The following GSK3A variants were observed in gnomAD, a reference collection of about 807,000 sequenced individuals.
GSK3A encodes the protein glycogen synthase kinase-3 alpha.
Under a neutral mutation model 56.6 loss-of-function variants are expected in GSK3A, and 14 were observed. The ratio of observed to expected loss-of-function variants is 0.25; its 90% confidence interval spans 0.16 to 0.39. The LOEUF is 0.39. Among genes scored for constraint, GSK3A ranks in the 10% least tolerant of loss-of-function variants. The pLI is 1.00. For missense variants in GSK3A, 450 were observed against 656.0 expected, an observed-to-expected ratio of 0.69 and a Z score of 3.43; for synonymous variants, 301 against 285.0, an observed-to-expected ratio of 1.06 and a Z score of -0.56.
intron 2 of GSK3A, among the ~76,000 whole-genome samples, chr19:42,239,302 C>A (rs1392404244): frequency 1.3e-5 from 2 of 152,236 alleles, no homozygotes; most frequent in African/African-American, 4.8e-5. Flanking sequence ...AGGCCCTGGT[C>A]TGGTTCCTTT....
intron 2 of GSK3A, among the ~76,000 whole-genome samples, 195 bp from the exon 3 acceptor site, chr19:42,237,136 G>C (rs1426949771): frequency 6.6e-6 from 1 of 150,800 alleles, no homozygotes; most frequent in East Asian, 2.0e-4. Context: ...GTTAAACCCA[G>C]GCCACAGATG....
intron 6 of GSK3A, 31 bp from the exon 7 acceptor site, chr19:42,233,414 A>G (rs377726492): frequency 1.3e-4 from 179 of 1,413,638 alleles, no homozygotes; most frequent in Non-Finnish European, 1.7e-4. Context: ...CGTCAGGGCT[A>G]GGCGAGTAGG....
chr19:42,239,832 T>C (rs1215179033), intron 2 of GSK3A, 123 bp downstream of exon 2: 5 of 744,926 alleles, frequency 6.7e-6, no homozygotes, highest in African/African-American at 1.8e-5. Flanking sequence ...TCTCATTTCC[T>C]CTTTTCCCCC....
At chr19:42,236,392 G>A (rs758851519) in intron 4 of GSK3A, among the ~76,000 whole-genome samples, 21 of 152,128 alleles carry the variant, frequency 1.4e-4, no homozygotes, top group Non-Finnish European at 2.9e-4. Context: ...CAGGTGTCAG[G>A]CTGCCTTCCT....
At position 42,242,483 on chromosome 19, in the gene GSK3A, C is replaced by T; in HGVS notation, c.-18G>A. ...CCGCTCATGGCGCCGAGCACAGGCC[C>T]AGGCTGCGGGGCTCGGGCTGCCCGG... On this transcript the variant is annotated 5_prime_UTR_variant, in exon 1 of 11. Coordinates refer to ENST00000222330, the MANE Select transcript of GSK3A (RefSeq NM_019884.3). 8.7e-7 allele frequency: 1 copy of T among 1,153,946 alleles called. No individual in the cohort carries two copies. Among genetic ancestry groups the T allele is most frequent in the Non-Finnish European group, 1.1e-6 (1 of 941,516 alleles). 71.5% of individuals were successfully genotyped at this position (1,153,946 alleles called of 1,614,324 possible).
chr19:42,239,478 C>A (rs1182956781), intron 2 of GSK3A, among the ~76,000 whole-genome samples: 1 of 152,206 alleles, frequency 6.6e-6, no homozygotes, highest in African/African-American at 2.4e-5. Context: ...TGGCCAAACA[C>A]CTGGGAAGAG....
At chr19:42,240,488 A>G in intron 1 of GSK3A, 1 of 492,992 alleles carries the variant, frequency 2.0e-6, no homozygotes, top group South Asian at 2.9e-5. Context: ...TCTACTCTGG[A>G]TCTACTGCCC....
intron 10 of GSK3A, among the ~76,000 whole-genome samples, chr19:42,231,720 C>G (rs1174074466): frequency 6.6e-6 from 1 of 151,630 alleles, no homozygotes; most frequent in Non-Finnish European, 1.5e-5. Context: ...TTGCAGTGAG[C>G]CGAGATCGAG....
At chr19:42,236,491 G>C (rs1421624265) in intron 4 of GSK3A, 115 bp downstream of exon 4, 1 of 744,758 alleles carries the variant, frequency 1.3e-6, no homozygotes. Context: ...CAGGGGACAT[G>C]GGGCCTCCAA....
Position 42,234,710 on chromosome 19 carries a change from C to A in GSK3A, c.667-32G>T. 1 of 1,514,914 alleles carries A rather than the reference C, an allele frequency of 6.6e-7. No homozygotes were observed. Among genetic ancestry groups the A allele is most frequent in the East Asian group, 2.4e-5 (1 of 41,210 alleles). 93.8% of individuals were successfully genotyped at this position (1,514,914 alleles called of 1,614,324 possible). On this transcript the variant is annotated intron_variant, in intron 4 of 10. Coordinates refer to ENST00000222330, the MANE Select transcript of GSK3A (RefSeq NM_019884.3). This position sits in a 1 kb window ranked among gnomAD's most constrained non-coding sequence, Gnocchi z 5.7. ...CGGGCACAGGATAGCAGAACTTTAG[C>A]CCAGCTTTCCCCATACAGCACCACT...
At position 42,234,370 on chromosome 19, in the gene GSK3A, T is replaced by A; in HGVS notation, c.887A>T (p.Asp296Val). 1 of 1,613,768 alleles carries A rather than the reference T, an allele frequency of 6.2e-7. No homozygotes were observed. Among genetic ancestry groups the A allele is most frequent in the Non-Finnish European group, 8.5e-7 (1 of 1,179,666 alleles). The change falls in exon 6 of 11, where the codon GAT becomes GTT. Residue 296 changes from aspartate (D) to valine (V), a missense_variant. By Grantham distance (152) the Asp-to-Val change is radical. Transcript: ENST00000222330. The surrounding 1 kb of genome is among the most constrained non-coding windows in gnomAD (Gnocchi z 5.7). ...RAPELIFGAT[D>V]YTSSIDVWSA... ...ACTCTGACCGATGGATGAGGTGTAA[T>A]CAGTGGCTCCAAAGATGAGCTCTGG... is the stretch of plus-strand genomic sequence containing the variant.
At chr19:42,231,773 CAAAAA>C in intron 10 of GSK3A, among the ~76,000 whole-genome samples, 1 of 84,492 alleles carries the variant, frequency 1.2e-5, no homozygotes, top group South Asian at 3.8e-4. Flanking sequence ...CTCTATTGCA[CAAAAA>C]AAAAAAAAAC....
At position 42,232,123 on chromosome 19, in the gene GSK3A, C is replaced by A. The variant is rs780458200; in HGVS notation, c.1312G>T (p.Ala438Ser). The A allele has an allele frequency of 2.5e-6, 4 of 1,606,020 alleles. No homozygotes were observed. The Admixed American group carries it at 5.0e-5, about 20-fold the overall frequency. ...CTCAAGTGAGGAGGGATGAGAATGG[C>A]GTTGAGAGACGGTTGGATGGAGAGT... is the stretch of plus-strand genomic sequence containing the variant. The part of the protein sequence containing the change: ...GELSIQPSLN[A>S]ILIPPHLRSP... The change falls in exon 10 of 11, where the codon GCC becomes TCC. Residue 438 changes from alanine (A) to serine (S), a missense_variant. By Grantham distance (99) the Ala-to-Ser change is moderately conservative (BLOSUM62 1). Around this residue, in one of 3 missense-constraint regions of GSK3A, gnomAD observed 113 missense variants for 147.5 expected, o/e 0.77. Coordinates refer to ENST00000222330, the MANE Select transcript of GSK3A (RefSeq NM_019884.3).
rs1387601771 is a variant in GSK3A at position 42,242,278 on chromosome 19, G to A, written c.188C>T (p.Ser63Leu). 2.1e-6 allele frequency: 3 copies of A among 1,438,890 alleles called. No homozygotes were observed. The highest frequency in any genetic ancestry group is 5.6e-5 in the Admixed American group (2 of 35,880). 89.1% of individuals were successfully genotyped at this position (1,438,890 alleles called of 1,614,324 possible). A position where few individuals can be genotyped will look rare whatever the true frequency, so the allele number is the denominator to read the frequency against. ...GCCGCCGGGTCCACCCCCGGAGCTC[G>A]AGGCCCCGACGCCCCCACCCATGGC... ...VGAMGGGVGA[S>L]SSGGGPGGSG... Residue 63 changes from serine (S) to leucine (L), a missense_variant, in exon 1 of 11, where the codon TCG (serine) becomes TTG (leucine). Ser to Leu is a moderately radical substitution (Grantham distance 145). Transcript: ENST00000222330.
chr19:42,240,226 T>C, intron 1 of GSK3A, 84 bp from the exon 2 acceptor site: 1 of 1,302,556 alleles, frequency 7.7e-7, no homozygotes, highest in East Asian at 2.3e-5. Flanking sequence ...GGAAGGGAAA[T>C]CTCTGCAGGA....
chr19:42,231,822 G>A (rs1418764162), intron 10 of GSK3A, among the ~76,000 whole-genome samples: 1 of 151,286 alleles, frequency 6.6e-6, no homozygotes, highest in Admixed American at 6.6e-5. Context: ...TTTTGTTTGT[G>A]TTCAGGCCAG....
intron 1 of GSK3A, chr19:42,240,863 A>G (rs1229629121): frequency 6.6e-6 from 1 of 152,272 alleles, no homozygotes; most frequent in Non-Finnish European, 1.5e-5. Flanking sequence ...CTTTATTATC[A>G]AGGAGCTATT....
chr19:42,242,582 G>GGGCTCC lies in GSK3A; in HGVS notation c.-123_-118dup, dbSNP rs905512277. 786 of 890,978 alleles carry GGGCTCC rather than the reference G, an allele frequency of 8.8e-4. 8 individuals carry two copies. Among genetic ancestry groups the GGGCTCC allele is most frequent in the Non-Finnish European group, 3.7e-4 (258 of 688,766 alleles). 55.2% of individuals were successfully genotyped at this position (890,978 alleles called of 1,614,324 possible). A position where few individuals can be genotyped will look rare whatever the true frequency, so the allele number is the denominator to read the frequency against. On this transcript the variant is annotated 5_prime_UTR_variant, in exon 1 of 11. Coordinates refer to ENST00000222330, the MANE Select transcript of GSK3A (RefSeq NM_019884.3). ...CTTCCAGGCCGCGCCGCTCTGGCTT[G>GGGCTCC]GGCTCCGGCTCCGGCCCAGCGCCCG...
Position 42,240,100 on chromosome 19 carries a change from T to C in GSK3A, c.326A>G (p.Gln109Arg). 2 of 1,614,190 alleles carry C rather than the reference T, an allele frequency of 1.2e-6. No homozygotes were observed. The change falls in exon 2 of 11, where the codon CAA (glutamine) becomes CGA (arginine). Residue 109 changes from glutamine to arginine, a missense_variant. Physicochemically the swap from Gln to Arg is conservative, Grantham distance 43 (BLOSUM62 1). Around this residue, in one of 3 missense-constraint regions of GSK3A, gnomAD observed 193 missense variants for 200.5 expected, o/e 0.96. Coordinates refer to ENST00000222330, the MANE Select transcript of GSK3A (RefSeq NM_019884.3). Reference protein sequence around the residue: ...KVTTVVATLGQGPERSQEVAY... With the variant: ...KVTTVVATLGRGPERSQEVAY... The stretch of plus-strand genomic sequence containing the variant: ...CACTTCTTGGGAGCGCTCTGGGCCT[T>C]GGCCTAGAGTGGCTACGACTGTGGT...
Sources: gnomAD v4.1 joint callset for allele counts (sites outside exome capture counted in the v4.1 genomes callset) on GRCh38, gnomAD v4.1.1 for gene constraint, gnomAD v4.1.1 regional missense constraint, Gnocchi (gnomAD v3.1) non-coding constraint, MANE v1.5 for transcripts, NCBI Gene and HGNC (gene_info 2026-07-23, HGNC 2026-07-21) for gene names.